Variants in GLCE observed in about 807,000 individuals in gnomAD.
The protein encoded by GLCE is D-glucuronyl C5-epimerase.
GLCE carries 19 observed loss-of-function variants against 47.9 expected under a neutral mutation model. The observed-to-expected ratio is 0.40, with a 90% CI of 0.28 to 0.58. GLCE has a LOEUF of 0.58. Ranked by LOEUF, GLCE falls within the 20% of genes least tolerant of loss-of-function variation. GLCE has a pLI of 0.48. For synonymous variants in GLCE, 245 were observed against 263.4 expected (o/e 0.93, Z 0.68); for missense variants, 556 against 743.3 (o/e 0.75, Z 2.93).
At chr15:69,202,791 T>A (rs1183370700) in intron 1 of GLCE, among the ~76,000 whole-genome samples, 1 of 151,814 alleles carries the variant, frequency 6.6e-6, no homozygotes, top group African/African-American at 2.4e-5. Context: ...TGAGGCCTTC[T>A]TAATTTCAGT....
intron 1 of GLCE, among the ~76,000 whole-genome samples, chr15:69,174,647 A>G (rs2051634950): frequency 6.6e-6 from 1 of 152,106 alleles, no homozygotes; most frequent in Non-Finnish European, 1.5e-5. Context: ...AAACAAACAA[A>G]CAAAACCCCA....
At chr15:69,207,160 C>T (rs72754391) in intron 1 of GLCE, among the ~76,000 whole-genome samples, 4 of 152,056 alleles carry the variant, frequency 2.6e-5, no homozygotes, top group Non-Finnish European at 4.4e-5. Flanking sequence ...TACCCTACCC[C>T]CTTTAGTTGG....
intron 1 of GLCE, among the ~76,000 whole-genome samples, chr15:69,172,820 C>T (rs2051607948): frequency 6.6e-6 from 1 of 152,194 alleles, no homozygotes; most frequent in Non-Finnish European, 1.5e-5. Flanking sequence ...TATACAGAAT[C>T]AGCATCTTCA....
chr15:69,175,016 CTT>C (rs2051642089), intron 1 of GLCE, among the ~76,000 whole-genome samples: 1 of 151,888 alleles, frequency 6.6e-6, no homozygotes, highest in East Asian at 1.9e-4. Flanking sequence ...CTTGAAGACT[CTT>C]TTACTGAGGC....
intron 2 of GLCE, among the ~76,000 whole-genome samples, chr15:69,249,100 G>A (rs777488398): frequency 1.3e-5 from 2 of 152,166 alleles, no homozygotes; most frequent in Admixed American, 1.3e-4. Flanking sequence ...AGATAAGGTG[G>A]CCAGGGAAGC....
intron 2 of GLCE, among the ~76,000 whole-genome samples, chr15:69,217,274 A>G (rs1026459747): frequency 6.6e-6 from 1 of 151,874 alleles, no homozygotes; most frequent in African/African-American, 2.4e-5. Context: ...TTCTCAGGCC[A>G]TATTTGTAAA....
chr15:69,237,787 T>C (rs750167857), intron 2 of GLCE, among the ~76,000 whole-genome samples: 6 of 152,204 alleles, frequency 3.9e-5, no homozygotes, highest in Non-Finnish European at 7.3e-5. Context: ...TAAAAACTTA[T>C]TGTCAACAAC....
chr15:69,187,994 G>T (rs972336468), intron 1 of GLCE, among the ~76,000 whole-genome samples: 5 of 152,152 alleles, frequency 3.3e-5, no homozygotes, highest in African/African-American at 9.7e-5. Context: ...AACCTGGGAG[G>T]CAGAGGTTGT....
chr15:69,268,867 A>AAACATGACTGGTATGAAG lies in GLCE; in HGVS notation c.1480_1497dup (p.His494_Glu499dup). On this transcript the variant is annotated inframe_insertion, in exon 5 of 5. Coordinates refer to ENST00000261858, the MANE Select transcript of GLCE (RefSeq NM_015554.3). ...TGGAGTTAAAGCTGTGTTTATGAATAAACATGACTGGTATGAAGAATATCC... is the reference window on the plus strand; with the variant it reads ...TGGAGTTAAAGCTGTGTTTATGAATAAACATGACTGGTATGAAGAACATGACTGGTATGAAGAATATCC... 3 of 1,614,182 alleles carry AAACATGACTGGTATGAAG rather than the reference A, an allele frequency of 1.9e-6. No homozygotes were observed. Among genetic ancestry groups the AAACATGACTGGTATGAAG allele is most frequent in the Non-Finnish European group, 2.5e-6 (3 of 1,180,002 alleles).
intron 2 of GLCE, among the ~76,000 whole-genome samples, chr15:69,234,740 G>A (rs934197432): frequency 2.6e-5 from 4 of 152,164 alleles, no homozygotes; most frequent in Non-Finnish European, 4.4e-5. Flanking sequence ...GTCTTGCAGT[G>A]CTGAAGTTAA....
intron 1 of GLCE, among the ~76,000 whole-genome samples, chr15:69,189,027 T>A (rs189140125): frequency 7.5e-4 from 114 of 152,144 alleles, no homozygotes; most frequent in Admixed American, 7.4e-3. Context: ...CCTACAGTGA[T>A]GTATCATTAT....
chr15:69,171,974 A>AT (rs1566946187), intron 1 of GLCE, among the ~76,000 whole-genome samples: 1 of 152,168 alleles, frequency 6.6e-6, no homozygotes, highest in Admixed American at 6.5e-5. Flanking sequence ...AAAATGTTCA[A>AT]TTTTGAAATA....
intron 2 of GLCE, among the ~76,000 whole-genome samples, chr15:69,222,401 G>A (rs1164163779): frequency 2.6e-5 from 4 of 152,182 alleles, no homozygotes; most frequent in Non-Finnish European, 5.9e-5. Context: ...GTGTAGGCAC[G>A]ACCAGACAGG....
chr15:69,200,135 A>G (rs2052056687), intron 1 of GLCE, among the ~76,000 whole-genome samples: 1 of 152,120 alleles, frequency 6.6e-6, no homozygotes. Context: ...CAATTTTTTG[A>G]CACTAATCAG....
chr15:69,226,424 G>A (rs1242212058), intron 2 of GLCE, among the ~76,000 whole-genome samples: 1 of 152,154 alleles, frequency 6.6e-6, no homozygotes, highest in Non-Finnish European at 1.5e-5. Flanking sequence ...TCCTACAAGT[G>A]TACAAATGTA....
chr15:69,214,285 G>A (rs2052273929), intron 2 of GLCE, among the ~76,000 whole-genome samples: 1 of 152,058 alleles, frequency 6.6e-6, no homozygotes, highest in Admixed American at 6.6e-5. Context: ...ATCTCATCTT[G>A]AATTATAATT....
chr15:69,237,604 A>AT (rs1174274882), intron 2 of GLCE, among the ~76,000 whole-genome samples: 4 of 151,954 alleles, frequency 2.6e-5, no homozygotes, highest in African/African-American at 7.3e-5. Context: ...CTCCAAAAAA[A>AT]TTAAAAAAAA....
intron 2 of GLCE, among the ~76,000 whole-genome samples, chr15:69,223,295 C>T (rs2052401947): frequency 6.6e-6 from 1 of 152,066 alleles, no homozygotes; most frequent in African/African-American, 2.4e-5. Flanking sequence ...TTAATGTCTC[C>T]TTCACCTTTG....
chr15:69,195,009 C>G (rs2051966356), intron 1 of GLCE, among the ~76,000 whole-genome samples: 1 of 152,016 alleles, frequency 6.6e-6, no homozygotes, highest in Non-Finnish European at 1.5e-5. Context: ...AATTATAGTT[C>G]AGGTTGAACT....
Sources: gnomAD v4.1 joint callset for allele counts (sites outside exome capture counted in the v4.1 genomes callset) on GRCh38, gnomAD v4.1.1 for gene constraint, MANE v1.5 for transcripts, NCBI Gene and HGNC (gene_info 2026-07-23, HGNC 2026-07-21) for gene names.